The following PPP2R2C variants were observed in gnomAD, a reference collection of about 807,000 sequenced individuals.
PPP2R2C encodes the protein protein phosphatase 2 regulatory subunit Bgamma.
A neutral mutation model predicts 45.3 loss-of-function variants in PPP2R2C; 10 were observed. The ratio of observed to expected loss-of-function variants is 0.22; its 90% CI spans 0.14 to 0.37. PPP2R2C has a LOEUF of 0.37. Among genes scored for constraint, PPP2R2C ranks in the 10% least tolerant of loss-of-function variants. PPP2R2C has a pLI of 1.00. For synonymous variants in PPP2R2C, 257 were observed against 245.4 expected, an observed-to-expected ratio of 1.05 and a Z score of -0.44; for missense variants, 308 against 619.7, an observed-to-expected ratio of 0.50 and a Z score of 5.34.
chr4:6,450,176 G>A (rs1446090242), intron 1 of PPP2R2C, among the ~76,000 whole-genome samples: 1 of 152,134 alleles, frequency 6.6e-6, no homozygotes, highest in Non-Finnish European at 1.5e-5. Context: ...GCAGCCCTCG[G>A]CAAGAAGCCT....
intron 5 of PPP2R2C, chr4:6,350,894 G>A (rs1712490490): frequency 2.0e-6 from 2 of 985,262 alleles, no homozygotes; most frequent in Non-Finnish European, 2.4e-6. Context: ...GGGTGTTTGA[G>A]GCCTTGGAGA....
At chr4:6,533,667 A>T (rs1724482587) in intron 2 of PPP2R2C, among the ~76,000 whole-genome samples, 1 of 152,126 alleles carries the variant, frequency 6.6e-6, no homozygotes, top group African/African-American at 2.4e-5. Context: ...AGACTTTAAG[A>T]CTCTCTGAAG....
upstream of PPP2R2C, among the ~76,000 whole-genome samples, chr4:6,476,667 C>T (rs1178021768): frequency 4.6e-5 from 7 of 152,322 alleles, no homozygotes; most frequent in East Asian, 1.2e-3. Context: ...TAAGACACCA[C>T]CCCAAAGATA....
intron 2 of PPP2R2C, among the ~76,000 whole-genome samples, chr4:6,528,730 C>A (rs1335794565): frequency 1.3e-5 from 2 of 152,156 alleles, no homozygotes; most frequent in East Asian, 3.9e-4. Context: ...ATGGCCTGTT[C>A]CTGCCTTAAC....
At chr4:6,371,939 C>T (rs996224020) in intron 5 of PPP2R2C, among the ~76,000 whole-genome samples, 1 of 152,164 alleles carries the variant, frequency 6.6e-6, no homozygotes, top group Non-Finnish European at 1.5e-5. Flanking sequence ...GGCTGGTGCT[C>T]ATGTCATCAC....
chr4:6,475,289 G>A (rs1280880094), upstream of PPP2R2C, among the ~76,000 whole-genome samples: 24 of 152,170 alleles, frequency 1.6e-4, 1 homozygote, highest in Admixed American at 1.6e-3. Flanking sequence ...AAAGGTGAGT[G>A]TAGAGGAAAG....
At chr4:6,385,568 TTTTA>T (rs895775030) in intron 1 of PPP2R2C, among the ~76,000 whole-genome samples, 2 of 152,052 alleles carry the variant, frequency 1.3e-5, no homozygotes, top group Non-Finnish European at 2.9e-5. Context: ...CAGGCTTTTA[TTTTA>T]TTTATTTATT....
chr4:6,370,579 CAG>C (rs1714726320), intron 5 of PPP2R2C, among the ~76,000 whole-genome samples: 1 of 152,174 alleles, frequency 6.6e-6, no homozygotes, highest in South Asian at 2.1e-4. Flanking sequence ...TGGGACAGTT[CAG>C]AGAGAACTGG....
intron 1 of PPP2R2C, among the ~76,000 whole-genome samples, chr4:6,562,649 C>T (rs1469298669): frequency 6.6e-6 from 1 of 152,194 alleles, no homozygotes; most frequent in Non-Finnish European, 1.5e-5. Context: ...CACCAGTACC[C>T]CCCATAGGCC....
intron 2 of PPP2R2C, among the ~76,000 whole-genome samples, chr4:6,532,343 A>G (rs892096588): frequency 3.3e-5 from 5 of 152,194 alleles, no homozygotes; most frequent in Non-Finnish European, 7.3e-5. Flanking sequence ...ATGTTTCCTG[A>G]TGCCCAGGCC....
intron 1 of PPP2R2C, among the ~76,000 whole-genome samples, chr4:6,433,580 C>T (rs893541064): frequency 1.9e-4 from 29 of 152,300 alleles, no homozygotes; most frequent in African/African-American, 7.0e-4. Context: ...TGTGGCTGTT[C>T]TGTGGCCAAG....
At chr4:6,470,769 C>T (rs1721827131) in intron 1 of PPP2R2C, among the ~76,000 whole-genome samples, 1 of 152,202 alleles carries the variant, frequency 6.6e-6, no homozygotes, top group South Asian at 2.1e-4. Context: ...CCCAAAGCCG[C>T]GGCCGGGTCA....
chr4:6,387,765 G>A (rs1054811032), intron 1 of PPP2R2C, among the ~76,000 whole-genome samples: 4 of 150,682 alleles, frequency 2.7e-5, no homozygotes, highest in African/African-American at 7.4e-5. Flanking sequence ...GCAATGAGCC[G>A]AGATTGCACC....
chr4:6,467,406 C>T (rs575340891), intron 1 of PPP2R2C, among the ~76,000 whole-genome samples: 1 of 152,092 alleles, frequency 6.6e-6, no homozygotes, highest in African/African-American at 2.4e-5. Context: ...TCAGAGAGAC[C>T]GTGTGACCTG....
rs1331187678 is a variant in PPP2R2C, at chr4:6,372,966, T to G, written c.448-266A>C. ...TACCCCAATTTCCTCAACTCTAAAA[T>G]GAAACAAAAAGATACTGTGGCAGAG... is the stretch of plus-strand genomic sequence containing the variant. On this transcript the variant is annotated intron_variant, in intron 4 of 8. Transcript: ENST00000382599. 3.3e-5 allele frequency among the ~76,000 whole-genome samples: 5 copies of G among 152,156 alleles called. No homozygotes were observed. In the East Asian group the frequency reaches 9.6e-4, roughly 29 times the overall value.
chr4:6,452,786 T>C, intron 1 of PPP2R2C, among the ~76,000 whole-genome samples: 1 of 152,194 alleles, frequency 6.6e-6, no homozygotes, highest in East Asian at 1.9e-4. Context: ...ACCCTGAGTG[T>C]TCCCAAGCCT....
intron 4 of PPP2R2C, among the ~76,000 whole-genome samples, chr4:6,375,145 C>A (rs1715190495): frequency 6.6e-6 from 1 of 152,174 alleles, no homozygotes; most frequent in African/African-American, 2.4e-5. Context: ...CAGGGGGCAC[C>A]AGCACCCTCA....
intron 1 of PPP2R2C, among the ~76,000 whole-genome samples, chr4:6,389,456 G>A (rs894969168): frequency 6.6e-6 from 1 of 152,222 alleles, no homozygotes; most frequent in African/African-American, 2.4e-5. Flanking sequence ...AGGTATCAGG[G>A]CTGCTAAGGA....
At chr4:6,381,447 C>T (rs1347449437) in intron 1 of PPP2R2C, 2 of 1,374,664 alleles carry the variant, frequency 1.5e-6, no homozygotes, top group South Asian at 1.5e-5. Flanking sequence ...CTTGAATCTC[C>T]CACACCTACC....
Sources: gnomAD v4.1 joint callset for allele counts (sites outside exome capture counted in the v4.1 genomes callset) on GRCh38, gnomAD v4.1.1 for gene constraint, MANE v1.5 for transcripts, NCBI Gene and HGNC (gene_info 2026-07-23, HGNC 2026-07-21) for gene names.